The following TANGO6 variants were observed in gnomAD, a reference collection of about 807,000 sequenced individuals.
The protein encoded by TANGO6 is transport and Golgi organization protein 6 homolog.
A neutral mutation model predicts 114.2 loss-of-function variants in TANGO6; 90 were observed. The observed-to-expected ratio is 0.79, with a 90% CI of 0.66 to 0.94. The LOEUF (loss-of-function observed/expected upper bound fraction) is 0.94, where lower values mean the gene tolerates loss of function less well. Among genes scored for constraint, TANGO6 ranks in the 40% least tolerant of loss-of-function variants. TANGO6 has a pLI of 0.00. For missense variants in TANGO6, 1,274 were observed against 1,315.3 expected, an observed-to-expected ratio of 0.97 and a Z score of 0.49; for synonymous variants, 477 against 509.8, an observed-to-expected ratio of 0.94 and a Z score of 0.87.
intron 1 of TANGO6, among the ~76,000 whole-genome samples, chr16:68,859,143 G>A (rs1416795522): frequency 6.6e-6 from 1 of 152,138 alleles, no homozygotes; most frequent in Non-Finnish European, 1.5e-5. Flanking sequence ...GTTCCATGAG[G>A]AAGAGCCTTT....
At chr16:68,875,037 C>T (rs915843718) in intron 4 of TANGO6, 117 bp from the exon 5 acceptor site, 27 of 1,104,884 alleles carry the variant, frequency 2.4e-5, no homozygotes, top group Admixed American at 1.7e-4. Context: ...AAAAAATAAA[C>T]TATTTTCAAT....
rs538853556 is a variant in TANGO6, at chr16:68,909,533, G to A, written c.1992+131G>A. 7.9e-6 allele frequency: 7 copies of A among 885,248 alleles called. No homozygotes were observed. The African/African-American group carries it at 1.0e-4, about 13-fold the overall frequency. The allele number at this position is 885,248 out of a possible 1,614,324, so 54.8% of individuals were successfully genotyped here. On this transcript the variant is annotated intron_variant, in intron 11 of 17. Transcript: ENST00000261778. The stretch of plus-strand genomic sequence containing the variant: ...GTTTCCTGGAATGCTGGTTAAATAT[G>A]GAAACTACACAGCCCACACCAGGCC...
At chr16:68,986,828 C>A (rs1320181582) in intron 15 of TANGO6, among the ~76,000 whole-genome samples, 1 of 152,066 alleles carries the variant, frequency 6.6e-6, no homozygotes, top group Non-Finnish European at 1.5e-5. Flanking sequence ...TTGCTTGAAC[C>A]TGGGAGGCAG....
chr16:68,867,577 C>T (rs143789995), intron 4 of TANGO6: 6 of 184,494 alleles, frequency 3.3e-5, no homozygotes, highest in African/African-American at 9.5e-5. Context: ...CGGTGGCTCA[C>T]GCCTGTAATC....
At chr16:68,949,504 C>A (rs1031067817) in intron 14 of TANGO6, among the ~76,000 whole-genome samples, 2 of 151,926 alleles carry the variant, frequency 1.3e-5, no homozygotes, top group Non-Finnish European at 2.9e-5. Flanking sequence ...GCCTGTAATC[C>A]CAGCTACTTG....
intron 15 of TANGO6, among the ~76,000 whole-genome samples, chr16:68,988,861 G>T (rs1012476763): frequency 2.0e-5 from 3 of 151,876 alleles, no homozygotes; most frequent in Non-Finnish European, 4.4e-5. Context: ...ACCACGTACA[G>T]CTAATTTGTT....
chr16:68,895,050 A>G (rs1465492878), intron 7 of TANGO6, among the ~76,000 whole-genome samples: 1 of 152,118 alleles, frequency 6.6e-6, no homozygotes, highest in Non-Finnish European at 1.5e-5. Context: ...AGTTTTCCGC[A>G]TTTTTAGAAT....
At position 68,982,629 on chromosome 16, in the gene TANGO6, C is replaced by CATTTTTTTTTTTTT. The variant is rs1567553024; in HGVS notation, c.2842+8461_2842+8462insATTTTTTTTTTTTT. Among the ~76,000 whole-genome samples the CATTTTTTTTTTTTT allele has an allele frequency of 4.1e-5, 5 of 120,536 alleles. 1 individual carries two copies. The highest frequency in any genetic ancestry group is 2.0e-4 in the African/African-American group (5 of 24,766). 79.1% of individuals were successfully genotyped at this position (120,536 alleles called of 152,430 possible). On this transcript the variant is annotated intron_variant, in intron 15 of 17. Coordinates refer to ENST00000261778, the MANE Select transcript of TANGO6 (RefSeq NM_024562.2). ...ACAGGCATGAGCCACCATGCCCTGGCCTTTTTTTTTTTTTTTTTTTTTTGT... is the reference window on the plus strand; with the variant it reads ...ACAGGCATGAGCCACCATGCCCTGGCATTTTTTTTTTTTTCTTTTTTTTTTTTTTTTTTTTTTGT...
At chr16:68,907,606 T>C (rs1962870919) in intron 10 of TANGO6, 31 bp downstream of exon 10, 2 of 1,589,062 alleles carry the variant, frequency 1.3e-6, no homozygotes, top group Non-Finnish European at 1.7e-6. Context: ...CTGGTCAGTG[T>C]TGTTCCAGGG....
At chr16:68,860,546 G>T (rs1962078205) in intron 2 of TANGO6, 22 bp downstream of exon 2, 3 of 1,604,636 alleles carry the variant, frequency 1.9e-6, no homozygotes, top group Non-Finnish European at 2.6e-6. Context: ...TTGAGAAAGA[G>T]AGAGGGAGAG....
At chr16:68,941,920 C>T (rs1262585571) in intron 14 of TANGO6, among the ~76,000 whole-genome samples, 2 of 151,906 alleles carry the variant, frequency 1.3e-5, no homozygotes, top group African/African-American at 2.4e-5. Context: ...GAGTTTGGGG[C>T]CAACCTGGGC....
chr16:68,933,009 T>C (rs1567543231), intron 14 of TANGO6, among the ~76,000 whole-genome samples: 1 of 152,226 alleles, frequency 6.6e-6, no homozygotes, highest in Non-Finnish European at 1.5e-5. Flanking sequence ...TTAGTGTTGT[T>C]ATCATCATCA....
intron 14 of TANGO6, among the ~76,000 whole-genome samples, chr16:68,935,698 T>C (rs1165459752): frequency 6.6e-6 from 1 of 152,210 alleles, no homozygotes; most frequent in African/African-American, 2.4e-5. Context: ...GATAGAGAAC[T>C]TAATCTTACA....
chr16:68,925,961 A>G (rs1272541485), intron 12 of TANGO6, among the ~76,000 whole-genome samples: 1 of 150,042 alleles, frequency 6.7e-6, no homozygotes, highest in African/African-American at 2.4e-5. Context: ...TCCTTTGTCA[A>G]AGTTCAGTTG....
intron 7 of TANGO6, among the ~76,000 whole-genome samples, chr16:68,891,409 A>G (rs9939946): frequency 0.27 from 41,675 of 151,960 alleles, 7,283 homozygotes; most frequent in African/African-American, 0.51. Flanking sequence ...GCAGTGAGCC[A>G]AGATTGCACC....
intron 14 of TANGO6, chr16:68,937,091 A>C (rs947688110): frequency 6.6e-6 from 1 of 152,244 alleles, no homozygotes; most frequent in Admixed American, 6.5e-5. Flanking sequence ...CTGAATCTCT[A>C]TCTCATTCTC....
intron 17 of TANGO6, among the ~76,000 whole-genome samples, chr16:69,050,398 G>A (rs997482868): frequency 2.6e-5 from 4 of 151,896 alleles, no homozygotes; most frequent in African/African-American, 2.4e-5. Context: ...CTGGAATGGT[G>A]TGGCACGATC....
chr16:68,993,001 G>A (rs930057716), intron 15 of TANGO6, among the ~76,000 whole-genome samples: 1 of 151,996 alleles, frequency 6.6e-6, no homozygotes, highest in Non-Finnish European at 1.5e-5. Context: ...TCCGGAAGGC[G>A]TAGGTTGCAG....
intron 15 of TANGO6, among the ~76,000 whole-genome samples, chr16:68,980,435 A>ATATTT (rs1317961639): frequency 2.1e-4 from 13 of 61,774 alleles, no homozygotes; most frequent in African/African-American, 7.9e-4. Context: ...ATATATATAT[A>ATATTT]TTTTTTTTTT....
Sources: gnomAD v4.1 joint callset for allele counts (sites outside exome capture counted in the v4.1 genomes callset) on GRCh38, gnomAD v4.1.1 for gene constraint, MANE v1.5 for transcripts, NCBI Gene and HGNC (gene_info 2026-07-23, HGNC 2026-07-21) for gene names.